The following CSF1 variants were observed in gnomAD, a reference collection of about 807,000 sequenced individuals.
CSF1 encodes macrophage colony-stimulating factor 1.
Under a neutral mutation model 48.9 loss-of-function variants are expected in CSF1, and 9 were observed. The observed-to-expected ratio is 0.18, with a 90% CI of 0.11 to 0.32. The LOEUF (loss-of-function observed/expected upper bound fraction) is 0.32, where lower values mean the gene tolerates loss of function less well. Among genes scored for constraint, CSF1 ranks in the 10% least tolerant of loss-of-function variants. The probability of loss-of-function intolerance (pLI) is 1.00; values close to 1 mark genes in which losing one functional copy is unlikely to be tolerated. For missense variants in CSF1, 672 were observed against 697.9 expected, an observed-to-expected ratio of 0.96 and a Z score of 0.42; for synonymous variants, 305 against 284.1, an observed-to-expected ratio of 1.07 and a Z score of -0.74.
intron 5 of CSF1, 49 bp downstream of exon 5, chr1:109,922,043 A>G (rs760171661): frequency 1.3e-6 from 2 of 1,536,426 alleles, no homozygotes. Context: ...AGCATATGGA[A>G]TGGGGATTGG....
intron 4 of CSF1, 60 bp from the exon 5 acceptor site, chr1:109,921,787 A>G (rs1647555468): frequency 2.0e-6 from 3 of 1,470,330 alleles, no homozygotes; most frequent in Non-Finnish European, 2.7e-6. Context: ...TTTGACAAAT[A>G]AGATGGAGAC....
At chr1:109,916,059 G>A (rs1316349989) in intron 3 of CSF1, among the ~76,000 whole-genome samples, 1 of 152,066 alleles carries the variant, frequency 6.6e-6, no homozygotes, top group Non-Finnish European at 1.5e-5. Flanking sequence ...TAGGGCTTGA[G>A]GCAAATCAAT....
chr1:109,921,080 C>T (rs1239528948), intron 4 of CSF1, among the ~76,000 whole-genome samples: 1 of 152,072 alleles, frequency 6.6e-6, no homozygotes, highest in African/African-American at 2.4e-5. Context: ...GCCCCGTTCC[C>T]TTCTCCACAC....
intron 5 of CSF1, 45 bp downstream of exon 5, chr1:109,922,039 T>C (rs1247318227): frequency 3.9e-6 from 6 of 1,538,606 alleles, no homozygotes; most frequent in African/African-American, 1.4e-5. Context: ...TGGTAGCATA[T>C]GGAATGGGGA....
chr1:109,910,744 T>C (rs1654641128), upstream of CSF1: 1 of 295,814 alleles, frequency 3.4e-6, no homozygotes, highest in Non-Finnish European at 6.6e-6. Context: ...TCAGTGTGTG[T>C]GTGTGTGTGT....
In CSF1 at chr1:109,929,961, G is replaced by A. The variant is rs1278216515; in HGVS notation, c.*1123G>A. 6.5e-6 allele frequency: 1 copy of A among 152,730 alleles called. No individual in the cohort carries two copies. Among genetic ancestry groups the A allele is most frequent in the Non-Finnish European group, 1.5e-5 (1 of 68,238 alleles). The allele number at this position is 152,730 out of a possible 1,614,324, so 9.5% of individuals were successfully genotyped here. A position where few individuals can be genotyped will look rare whatever the true frequency, so the allele number is the denominator to read the frequency against. On this transcript the variant is annotated 3_prime_UTR_variant, in exon 9 of 9. Coordinates refer to ENST00000329608, the MANE Select transcript of CSF1 (RefSeq NM_000757.6). ...GTGGGAGAGAGCAAGGGAGGGGAGG[G>A]CACAGACAGAGAGGCTACAGGGCGA...
At chr1:109,924,472 T>C (rs1253700766) in intron 6 of CSF1, among the ~76,000 whole-genome samples, 1 of 151,852 alleles carries the variant, frequency 6.6e-6, no homozygotes, top group Non-Finnish European at 1.5e-5. Context: ...GGCAGGGAGC[T>C]GGAGGAGGAG....
intron 4 of CSF1, among the ~76,000 whole-genome samples, chr1:109,917,849 G>A (rs964224197): frequency 1.3e-5 from 2 of 152,230 alleles, no homozygotes; most frequent in African/African-American, 2.4e-5. Flanking sequence ...CAGCTGTGAT[G>A]AAAACAGACA....
intron 4 of CSF1, among the ~76,000 whole-genome samples, chr1:109,919,560 A>G (rs1647421399): frequency 6.6e-6 from 1 of 152,188 alleles, no homozygotes. Flanking sequence ...GAGGTATTAA[A>G]TCTGCGGTTT....
intron 4 of CSF1, among the ~76,000 whole-genome samples, chr1:109,919,959 TAAATAAATAAATAAATA>T (rs1407652984): frequency 2.4e-5 from 1 of 41,058 alleles, no homozygotes; most frequent in South Asian, 9.7e-4. Flanking sequence ...AATAAATAAA[TAAATAAATAAATAAATA>T]AAAGACTGAA....
rs1647683355 is a variant in CSF1 at position 109,923,626 on chromosome 1, A to T, written c.1005A>T (p.Thr335=). 6.2e-7 allele frequency: 1 copy of T among 1,614,036 alleles called. No homozygotes were observed. The highest frequency in any genetic ancestry group is 8.5e-7 in the Non-Finnish European group (1 of 1,179,926). ...GGCCAGGAGGGGGCAGCATGCAGACAGAGCCCGCCAGACCCAGCAACTTCC... is the reference window on the plus strand; with the variant it reads ...GGCCAGGAGGGGGCAGCATGCAGACTGAGCCCGCCAGACCCAGCAACTTCC... ...PSRPGGGSMQ[T]EPARPSNFLS... is the part of the protein sequence containing the mutation. The change falls in exon 6 of 9, where the codon ACA becomes ACT. Residue 335 remains threonine (T), a synonymous_variant. Transcript: ENST00000329608.
chr1:109,925,532 C>A (rs772314728), intron 8 of CSF1, among the ~76,000 whole-genome samples: 9 of 152,168 alleles, frequency 5.9e-5, no homozygotes, highest in Non-Finnish European at 1.2e-4. Context: ...CTTTACCCTC[C>A]TGGAGAATCT....
chr1:109,919,419 G>A (rs914267031), intron 4 of CSF1, among the ~76,000 whole-genome samples: 2 of 152,134 alleles, frequency 1.3e-5, no homozygotes, highest in Admixed American at 1.3e-4. Context: ...TGTAGAGATA[G>A]GGTTTCGCAA....
intron 3 of CSF1, among the ~76,000 whole-genome samples, chr1:109,916,161 C>T (rs1421838652): frequency 6.6e-6 from 1 of 152,162 alleles, no homozygotes; most frequent in Non-Finnish European, 1.5e-5. Context: ...CCTTCCTGGA[C>T]TTGCCCCACA....
In CSF1 at chr1:109,923,372, C is replaced by G. The variant is rs1373850417; in HGVS notation, c.751C>G (p.Gln251Glu). 1 of 1,612,946 alleles carries G rather than the reference C, an allele frequency of 6.2e-7. No individual in the cohort carries two copies. Among genetic ancestry groups the G allele is most frequent in the African/African-American group, 1.3e-5 (1 of 74,908 alleles). ...LHTVDPGSAK[Q>E]RPPRSTCQSF... ...CACAGTGGATCCAGGCAGTGCCAAG[C>G]AGCGGCCACCCAGGAGCACCTGCCA... Residue 251 changes from glutamine (Q) to glutamate (E), a missense_variant, in exon 6 of 9, where the codon CAG (glutamine) becomes GAG (glutamate). Physicochemically the swap from Gln to Glu is conservative, Grantham distance 29. Coordinates refer to ENST00000329608, the MANE Select transcript of CSF1 (RefSeq NM_000757.6).
chr1:109,917,522 C>T (rs1329853036), intron 4 of CSF1, 59 bp downstream of exon 4: 91 of 1,541,314 alleles, frequency 5.9e-5, no homozygotes, highest in Non-Finnish European at 6.7e-5. Flanking sequence ...GTGGAGGCGC[C>T]GCTCTATCCA....
chr1:109,926,291 T>C (rs1366820393), intron 8 of CSF1: 2 of 152,254 alleles, frequency 1.3e-5, no homozygotes, highest in Non-Finnish European at 2.9e-5. Context: ...GCCTGTGGTC[T>C]ATTAAAACCC....
intron 1 of CSF1, 72 bp from the exon 2 acceptor site, chr1:109,914,187 T>C: frequency 6.8e-7 from 1 of 1,471,396 alleles, no homozygotes; most frequent in Middle Eastern, 1.8e-4. Flanking sequence ...TTTGTTTTTC[T>C]GCGTTGAGCA....
Position 109,914,358 on chromosome 1 carries a change from C to G in CSF1, c.139C>G (p.His47Asp). The change falls in exon 2 of 9, where the codon CAC becomes GAC. Residue 47 changes from histidine to aspartate, a missense_variant. His to Asp is a moderately conservative substitution (Grantham distance 81, BLOSUM62 -1). Coordinates refer to ENST00000329608, the MANE Select transcript of CSF1 (RefSeq NM_000757.6). ...EYCSHMIGSGHLQSLQRLIDS... is the reference protein window; with the variant it reads ...EYCSHMIGSGDLQSLQRLIDS... ...CTGTAGCCACATGATTGGGAGTGGA[C>G]ACCTGCAGTCTCTGCAGCGGCTGGT... 6.2e-7 allele frequency: 1 copy of G among 1,604,060 alleles called. No homozygotes were observed. The highest frequency in any genetic ancestry group is 8.5e-7 in the Non-Finnish European group (1 of 1,175,112).
Sources: allele counts gnomAD v4.1 joint callset (sites outside exome capture counted in the v4.1 genomes callset), GRCh38; gene constraint gnomAD v4.1.1; transcripts MANE v1.5; gene names NCBI Gene and HGNC (gene_info 2026-07-23, HGNC 2026-07-21).